ADAM12: variants seen among roughly 807,000 people sequenced by gnomAD.
The protein encoded by ADAM12 is disintegrin and metalloproteinase domain-containing protein 12.
In ADAM12, 70 loss-of-function variants were observed where a neutral mutation model predicts 106.4. That is an observed-to-expected ratio of 0.66 (90% CI 0.54 to 0.80). ADAM12 has a LOEUF of 0.80. Among genes scored for constraint, ADAM12 ranks in the 30% least tolerant of loss-of-function variants. The pLI, the probability that ADAM12 is intolerant of heterozygous loss-of-function variation, is 0.00. For synonymous variants in ADAM12, 420 were observed against 433.5 expected (o/e 0.97, Z 0.39); for missense variants, 1,010 against 1,171.9 (o/e 0.86, Z 2.02).
chr10:126,280,082 T>C (rs925926271), intron 2 of ADAM12, among the ~76,000 whole-genome samples: 1 of 152,196 alleles, frequency 6.6e-6, no homozygotes, highest in South Asian at 2.1e-4. Flanking sequence ...GTTTCAGCTA[T>C]ACCATGACTT....
intron 2 of ADAM12, among the ~76,000 whole-genome samples, chr10:126,322,548 C>G (rs1460536463): frequency 6.6e-6 from 1 of 152,194 alleles, no homozygotes; most frequent in Non-Finnish European, 1.5e-5. Context: ...TGCCCTCCCC[C>G]CACACACAGC....
At chr10:126,186,164 G>A (rs1339136377) in intron 3 of ADAM12, among the ~76,000 whole-genome samples, 2 of 152,148 alleles carry the variant, frequency 1.3e-5, no homozygotes, top group Admixed American at 6.5e-5. Flanking sequence ...TGTCTTCCTT[G>A]ACTGCTACCT....
rs1956818083 is a variant in ADAM12 at position 126,156,496 on chromosome 10, T to C, written c.261-1191A>G. The stretch of plus-strand genomic sequence containing the variant: ...CCAGAAAATTCTGTAACGGGGATCT[T>C]GAGCACCTATGCTTGGGCCCCCTCA... On this transcript the variant is annotated intron_variant, in intron 3 of 22. Transcript: ENST00000448723. 3.3e-5 allele frequency among the ~76,000 whole-genome samples: 5 copies of C among 152,228 alleles called. No individual in the cohort carries two copies. The South Asian group carries it at 1.0e-3, about 32-fold the overall frequency.
Position 126,071,537 on chromosome 10 carries a change from G to A in ADAM12, c.1263C>T (p.Gly421=), listed in dbSNP as rs1954990753. The A allele has an allele frequency of 6.2e-7, 1 of 1,613,820 alleles. No homozygotes were observed. Among genetic ancestry groups the A allele is most frequent in the African/African-American group, 1.3e-5 (1 of 74,826 alleles). The change falls in exon 12 of 23, where the codon GGC becomes GGT. Residue 421 remains glycine, a synonymous_variant. Coordinates refer to ENST00000448723, the MANE Select transcript of ADAM12 (RefSeq NM_001288973.2). ...CCACAAATCTGTTCCCACACTTCTG[G>A]CCCCCGAAAGACTCCCTGACTTCCG... is the stretch of plus-strand genomic sequence containing the variant. ...NLPEVRESFG[G]QKCGNRFVEE...
rs1296140075 is a variant in ADAM12, at chr10:126,014,779, T to C, written c.*2500A>G. The stretch of plus-strand genomic sequence containing the variant: ...TGTCTAGTCACATTGACTTTCCAGG[T>C]GATGGCCCTACAAAACTCAAACCAC... On this transcript the variant is annotated 3_prime_UTR_variant, in exon 23 of 23. Coordinates refer to ENST00000448723, the MANE Select transcript of ADAM12 (RefSeq NM_001288973.2). 1 of 152,024 alleles carries C rather than the reference T, an allele frequency of 6.6e-6. No individual in the cohort carries two copies. The highest frequency in any genetic ancestry group is 1.5e-5 in the Non-Finnish European group (1 of 68,018). The allele number at this position is 152,024 out of a possible 1,614,324, so 9.4% of individuals were successfully genotyped here.
intron 2 of ADAM12, among the ~76,000 whole-genome samples, chr10:126,313,591 T>G (rs755610607): frequency 1.4e-4 from 21 of 145,216 alleles, no homozygotes; most frequent in Non-Finnish European, 2.3e-4. Flanking sequence ...TGCTTCAAGG[T>G]GTGAGCCCCA....
At position 126,357,086 on chromosome 10, in the gene ADAM12, T is replaced by C. The variant is rs931730709; in HGVS notation, c.89-26577A>G. Among the ~76,000 whole-genome samples the C allele has an allele frequency of 6.7e-4, 102 of 152,194 alleles. 1 individual carries two copies. Among genetic ancestry groups the C allele is most frequent in the African/African-American group, 2.3e-3 (97 of 41,450 alleles). ...AAAACTTCCCTAACCTGGGGAAAGA[T>C]GCCAACATCCAGGTCCTGAAAGCAC... On this transcript the variant is annotated intron_variant, in intron 1 of 22. Coordinates refer to ENST00000448723, the MANE Select transcript of ADAM12 (RefSeq NM_001288973.2).
intron 20 of ADAM12, 90 bp from the exon 21 acceptor site, chr10:126,036,415 A>T: frequency 6.7e-6 from 9 of 1,348,102 alleles, no homozygotes; most frequent in Non-Finnish European, 8.9e-6. Flanking sequence ...CTCATCTGTT[A>T]TAGCTGAAGG....
chr10:126,186,872 C>G (rs145912790), intron 3 of ADAM12, among the ~76,000 whole-genome samples: 1 of 152,306 alleles, frequency 6.6e-6, no homozygotes, highest in African/African-American at 2.4e-5. Flanking sequence ...TATTATTTTT[C>G]TTTGATCTCT....
chr10:126,350,486 G>A (rs1164085842), intron 1 of ADAM12, among the ~76,000 whole-genome samples: 1 of 152,156 alleles, frequency 6.6e-6, no homozygotes, highest in African/African-American at 2.4e-5. Context: ...CAGCTGCCTG[G>A]GCATGGCCAC....
At chr10:126,202,019 G>A (rs965570083) in intron 3 of ADAM12, among the ~76,000 whole-genome samples, 2 of 152,290 alleles carry the variant, frequency 1.3e-5, no homozygotes, top group Non-Finnish European at 2.9e-5. Context: ...AAAGGCTCTG[G>A]GGCTGCAACG....
chr10:126,272,129 C>T (rs556096553), intron 3 of ADAM12, among the ~76,000 whole-genome samples: 5 of 152,318 alleles, frequency 3.3e-5, no homozygotes, highest in Non-Finnish European at 7.3e-5. Context: ...CATCCAGTTA[C>T]TGTTTTTGTA....
In ADAM12 at chr10:126,066,867, A is replaced by C; in HGVS notation, c.1324-61T>G. 6.7e-7 allele frequency: 1 copy of C among 1,494,124 alleles called. No homozygotes were observed. The highest frequency in any genetic ancestry group is 9.3e-7 in the Non-Finnish European group (1 of 1,075,710). The allele number at this position is 1,494,124 out of a possible 1,614,324, so 92.6% of individuals were successfully genotyped here. ...TATGGAGTATGCACTCACTGAATGC[A>C]AACATCACACCTTAAATGGCTGCAA... On this transcript the variant is annotated intron_variant, in intron 12 of 22. Transcript: ENST00000448723. The surrounding 1 kb of genome is among the most constrained non-coding windows in gnomAD (Gnocchi z 5.1).
At chr10:126,019,586 C>T in intron 22 of ADAM12, 109 bp downstream of exon 22, 1 of 1,387,754 alleles carries the variant, frequency 7.2e-7, no homozygotes, top group Non-Finnish European at 9.7e-7. Flanking sequence ...GTAGGGGGAG[C>T]AGGAAGCACG....
intron 11 of ADAM12, among the ~76,000 whole-genome samples, chr10:126,085,917 T>C (rs1393977995): frequency 1.9e-4 from 29 of 152,190 alleles, no homozygotes; most frequent in Non-Finnish European, 7.3e-5. Context: ...CTTTTGGATA[T>C]TGTCTGTTGT....
rs563693853 is a variant in ADAM12, at chr10:126,015,702, T to G, written c.*1577A>C. The G allele has an allele frequency of 4.6e-5, 7 of 152,364 alleles. No homozygotes were observed. Among genetic ancestry groups the G allele is most frequent in the Admixed American group, 2.6e-4 (4 of 15,302 alleles). 9.4% of individuals were successfully genotyped at this position (152,364 alleles called of 1,614,324 possible). A position where few individuals can be genotyped will look rare whatever the true frequency, so the allele number is the denominator to read the frequency against. ...CCAAGATTCTTGGTACATATTTTTC[T>G]GTTTCAAAGCATAGGAAAACTGTTG... On this transcript the variant is annotated 3_prime_UTR_variant, in exon 23 of 23. Coordinates refer to ENST00000448723, the MANE Select transcript of ADAM12 (RefSeq NM_001288973.2).
In ADAM12 at chr10:126,102,775, C is replaced by T. The variant is rs113527350; in HGVS notation, c.742-1534G>A. On this transcript the variant is annotated intron_variant, in intron 8 of 22. Transcript: ENST00000448723. ...TTTCAATCAAGAATTGCATGGCCCA[C>T]GCTATCTACTTGCAAACTCCCAGCC... 1.8e-3 allele frequency among the ~76,000 whole-genome samples: 280 copies of T among 152,338 alleles called. 2 individuals carry two copies. The highest frequency in any genetic ancestry group is 6.1e-3 in the African/African-American group (253 of 41,586).
intron 1 of ADAM12, among the ~76,000 whole-genome samples, chr10:126,381,891 C>G (rs1243330322): frequency 1.3e-5 from 2 of 151,578 alleles, no homozygotes; most frequent in African/African-American, 2.4e-5. Context: ...AGGAGGATCA[C>G]TTGAGCTCAG....
chr10:126,350,318 G>A lies in ADAM12; in HGVS notation c.89-19809C>T, dbSNP rs1411611804. Among the ~76,000 whole-genome samples the A allele has an allele frequency of 2.0e-5, 3 of 152,178 alleles. No homozygotes were observed. The East Asian group carries it at 5.8e-4, about 29-fold the overall frequency. ...GCAATTTGTGTTTTTCAACTTGACA[G>A]TATCAGCATAAATCAGAGCCACATG... On this transcript the variant is annotated intron_variant, in intron 1 of 22. Coordinates refer to ENST00000448723, the MANE Select transcript of ADAM12 (RefSeq NM_001288973.2).
Sources: allele counts gnomAD v4.1 joint callset (sites outside exome capture counted in the v4.1 genomes callset), GRCh38; gene constraint gnomAD v4.1.1; non-coding constraint Gnocchi (gnomAD v3.1); transcripts MANE v1.5; gene names NCBI Gene and HGNC (gene_info 2026-07-23, HGNC 2026-07-21).